The following PSMD1 variants were observed in gnomAD, a reference collection of about 807,000 sequenced individuals.
PSMD1 encodes proteasome 26S subunit, non-ATPase 1, also known as 26S proteasome non-ATPase regulatory subunit 1.
A neutral mutation model predicts 119.0 loss-of-function variants in PSMD1; 18 were observed. The ratio of observed to expected loss-of-function variants is 0.15; its 90% CI spans 0.10 to 0.22. The LOEUF is 0.22. Among genes scored for constraint, PSMD1 ranks in the 10% least tolerant of loss-of-function variants. PSMD1 has a pLI of 1.00. For synonymous variants in PSMD1, 374 were observed against 396.6 expected (o/e 0.94, Z 0.68); for missense variants, 702 against 1,158.5 (o/e 0.61, Z 5.72).
chr2:231,141,337 A>G (rs1696104437), intron 17 of PSMD1, among the ~76,000 whole-genome samples: 1 of 151,540 alleles, frequency 6.6e-6, no homozygotes, highest in East Asian at 1.9e-4. Flanking sequence ...TTCACTACAC[A>G]TGGCAACAAT....
At chr2:231,133,581 C>T (rs529224240) in intron 16 of PSMD1, 1 of 152,246 alleles carries the variant, frequency 6.6e-6, no homozygotes, top group Admixed American at 6.5e-5. Flanking sequence ...AATTTGATTG[C>T]ATAATTTATG....
intron 4 of PSMD1, among the ~76,000 whole-genome samples, chr2:231,064,616 A>G (rs1693852159): frequency 6.6e-6 from 1 of 152,210 alleles, no homozygotes; most frequent in Admixed American, 6.5e-5. Flanking sequence ...CATTTTCAAC[A>G]ACTGGAATTC....
chr2:231,064,295 C>A (rs1446366464), intron 4 of PSMD1, among the ~76,000 whole-genome samples: 3 of 152,142 alleles, frequency 2.0e-5, no homozygotes, highest in Non-Finnish European at 4.4e-5. Context: ...TAATGAATAT[C>A]GTAAACAGTA....
chr2:231,122,481 A>T lies in PSMD1; in HGVS notation c.1884-16255A>T, dbSNP rs1019523822. 2.6e-5 allele frequency among the ~76,000 whole-genome samples: 4 copies of T among 152,158 alleles called. No homozygotes were observed. The South Asian group carries it at 8.3e-4, about 31-fold the overall frequency. ...CTAAGAAACTATATCTGCCACAAGT[A>T]ATCATTTTGCTTAGGCAGTTTATGA... On this transcript the variant is annotated intron_variant, in intron 16 of 24. Coordinates refer to ENST00000308696, the MANE Select transcript of PSMD1 (RefSeq NM_002807.4).
At chr2:231,063,828 AT>A (rs35057221) in intron 4 of PSMD1, among the ~76,000 whole-genome samples, 143,445 of 148,516 alleles carry the variant, frequency 0.97, 69,281 homozygotes, top group East Asian at 0.99. Flanking sequence ...TATTTGATGG[AT>A]TTTTTTTTTT....
intron 12 of PSMD1, among the ~76,000 whole-genome samples, chr2:231,081,540 G>A (rs1694309560): frequency 6.6e-6 from 1 of 152,134 alleles, no homozygotes; most frequent in Non-Finnish European, 1.5e-5. Context: ...AACATTTTTG[G>A]CCATTGGGTT....
rs749960821 is a variant in PSMD1, at chr2:231,170,569, T to A, written c.2719T>A (p.Ser907Thr). 5.6e-6 allele frequency: 9 copies of A among 1,608,804 alleles called. No individual in the cohort carries two copies. In the South Asian group the frequency reaches 7.8e-5, roughly 14 times the overall value. The change falls in exon 24 of 25, where the codon TCT (serine) becomes ACT (threonine). Residue 907 changes from serine (S) to threonine (T), a missense_variant. This residue lies in a region of PSMD1 where 152 missense variants were observed against 239.3 expected (regional missense o/e 0.64). Coordinates refer to ENST00000308696, the MANE Select transcript of PSMD1 (RefSeq NM_002807.4). This position sits in a 1 kb window ranked among gnomAD's most constrained non-coding sequence, Gnocchi z 4.1. ...TCRYQPFKPL[S>T]IGGIIILKDT... ...CTGCACGCCCCTGTGTTTCCAGCTC[T>A]CTATTGGAGGCATCATCATTCTGAA...
chr2:231,067,123 ATGT>A lies in PSMD1; in HGVS notation c.510+14_510+16del. On this transcript the variant is annotated intron_variant, in intron 5 of 24. Coordinates refer to ENST00000308696, the MANE Select transcript of PSMD1 (RefSeq NM_002807.4). The stretch of plus-strand genomic sequence containing the variant: ...CCATACTGGAGTCGGTAGGTAGATG[ATGT>A]TATTTTAGAAATTATTGTTGATAGG... 1 of 1,544,228 alleles carries A rather than the reference ATGT, an allele frequency of 6.5e-7. No homozygotes were observed. The highest frequency in any genetic ancestry group is 1.4e-5 in the African/African-American group (1 of 71,990).
intron 1 of PSMD1, 53 bp from the exon 2 acceptor site, chr2:231,061,214 T>A: frequency 6.9e-7 from 1 of 1,439,810 alleles, no homozygotes; most frequent in Middle Eastern, 2.3e-4. Flanking sequence ...GGTGTTAATT[T>A]CCACTTTAGT....
intron 16 of PSMD1, among the ~76,000 whole-genome samples, chr2:231,096,369 G>T (rs1694726309): frequency 6.6e-6 from 1 of 152,140 alleles, no homozygotes; most frequent in South Asian, 2.1e-4. Flanking sequence ...GGTAAGGTAG[G>T]TGATGGTTCC....
At chr2:231,072,483 ATATT>A in intron 7 of PSMD1, 68 bp downstream of exon 7, 1 of 1,374,018 alleles carries the variant, frequency 7.3e-7, no homozygotes, top group Non-Finnish European at 1.0e-6. Flanking sequence ...GACAGGTAGA[ATATT>A]TATAGGAAGC....
chr2:231,134,551 T>G (rs1348751039), intron 16 of PSMD1, among the ~76,000 whole-genome samples: 2 of 152,236 alleles, frequency 1.3e-5, no homozygotes, highest in Non-Finnish European at 2.9e-5. Context: ...AAGCTCTGAT[T>G]CCTGCCATGC....
chr2:231,075,282 G>A (rs551359868), intron 7 of PSMD1, among the ~76,000 whole-genome samples: 1 of 152,116 alleles, frequency 6.6e-6, no homozygotes, highest in African/African-American at 2.4e-5. Context: ...TGTTGTATTT[G>A]TTGTCCATGG....
At chr2:231,148,944 C>T (rs1696309896) in intron 18 of PSMD1, among the ~76,000 whole-genome samples, 1 of 152,068 alleles carries the variant, frequency 6.6e-6, no homozygotes, top group South Asian at 2.1e-4. Context: ...GATTGCAAAA[C>T]CAGTCCATGA....
At chr2:231,125,959 C>G (rs1036905936) in intron 16 of PSMD1, among the ~76,000 whole-genome samples, 1 of 152,206 alleles carries the variant, frequency 6.6e-6, no homozygotes, top group Admixed American at 6.5e-5. Flanking sequence ...CTCTGCTGAG[C>G]ACTTCAGATT....
intron 18 of PSMD1, among the ~76,000 whole-genome samples, chr2:231,151,828 T>C (rs958920194): frequency 4.8e-5 from 7 of 144,780 alleles, no homozygotes; most frequent in Non-Finnish European, 1.0e-4. Context: ...TTTTTTTTTT[T>C]TGAGATGGAG....
chr2:231,145,764 G>A (rs998332511), intron 17 of PSMD1, among the ~76,000 whole-genome samples: 8 of 151,864 alleles, frequency 5.3e-5, no homozygotes, highest in Admixed American at 1.3e-4. Context: ...GTGGTAGCAT[G>A]CACTTGTAAT....
rs943366773 is a variant in PSMD1, at chr2:231,062,339, T to G, written c.134+18T>G. The G allele has an allele frequency of 6.3e-7, 1 of 1,574,806 alleles. No individual in the cohort carries two copies. The highest frequency in any genetic ancestry group is 1.7e-5 in the Admixed American group (1 of 59,296). ...GACAAAATGTAAGAAATTATTTTTATAAATCAGAATAAGATGGATCAAATT... is the reference window on the plus strand; with the variant it reads ...GACAAAATGTAAGAAATTATTTTTAGAAATCAGAATAAGATGGATCAAATT... On this transcript the variant is annotated intron_variant, in intron 3 of 24. Transcript: ENST00000308696.
intron 16 of PSMD1, among the ~76,000 whole-genome samples, chr2:231,110,232 A>G (rs1695110045): frequency 6.6e-6 from 1 of 152,148 alleles, no homozygotes; most frequent in Admixed American, 6.5e-5. Context: ...AGGTGGGAGA[A>G]TCACTTGAAC....
Sources: gnomAD v4.1 joint callset for allele counts (sites outside exome capture counted in the v4.1 genomes callset) on GRCh38, gnomAD v4.1.1 for gene constraint, gnomAD v4.1.1 regional missense constraint, Gnocchi (gnomAD v3.1) non-coding constraint, MANE v1.5 for transcripts, NCBI Gene and HGNC (gene_info 2026-07-23, HGNC 2026-07-21) for gene names.